The following CNPPD1 variants were observed in gnomAD, a reference collection of about 807,000 sequenced individuals.
CNPPD1 encodes the protein protein CNPPD1.
In CNPPD1, 40 loss-of-function variants were observed where a neutral mutation model predicts 43.7. The observed-to-expected ratio is 0.92, with a 90% confidence interval of 0.71 to 1.19. CNPPD1 has a LOEUF of 1.19. Among genes scored for constraint, CNPPD1 ranks in the 50% most tolerant of loss-of-function variants. CNPPD1 has a pLI of 0.00. For missense variants in CNPPD1, 511 were observed against 518.5 expected, an observed-to-expected ratio of 0.99 and a Z score of 0.14; for synonymous variants, 208 against 214.3, an observed-to-expected ratio of 0.97 and a Z score of 0.26.
At position 219,176,320 on chromosome 2, in the gene CNPPD1, TC is replaced by T; in HGVS notation, c.80del (p.Gly27AspfsTer5). On this transcript the variant is annotated frameshift_variant, in exon 2 of 8. Transcript: ENST00000360507. LOFTEE classifies it high-confidence loss of function. ...GGATCCGGGCACTCAGCTTCTGGTG[TC>T]CTGGGAGGAACTGAAACAGGGCAGG... ...AGFQDFTFLP[G>X]HQKLSARIRR... is the part of the protein sequence containing the mutation. The T allele has an allele frequency of 1.2e-6, 2 of 1,613,816 alleles. No homozygotes were observed. The highest frequency in any genetic ancestry group is 1.7e-6 in the Non-Finnish European group (2 of 1,179,706).
Position 219,175,634 on chromosome 2 carries a change from G to T in CNPPD1, c.217C>A (p.Pro73Thr). 1 of 1,614,046 alleles carries T rather than the reference G, an allele frequency of 6.2e-7. No individual in the cohort carries two copies. The highest frequency in any genetic ancestry group is 1.1e-5 in the South Asian group (1 of 91,072). ...VELLQKAAPS[P>T]IRRLQKKYVA... ...TATTTCTTCTGGAGTCGGCGAATAG[G>T]GCTGGGGGCTGCCTTCTGGAGCAGT... The change falls in exon 3 of 8, where the codon CCT (proline) becomes ACT (threonine). Residue 73 changes from proline (P) to threonine (T), a missense_variant. By Grantham distance (38) the Pro-to-Thr change is conservative (BLOSUM62 -1). Transcript: ENST00000360507.
rs995949361 is a variant in CNPPD1 at position 219,173,360 on chromosome 2, C to A, written c.680G>T (p.Arg227Leu). 2 of 1,613,156 alleles carry A rather than the reference C, an allele frequency of 1.2e-6. No homozygotes were observed. Among genetic ancestry groups the A allele is most frequent in the Middle Eastern group, 1.8e-4 (1 of 5,700 alleles). Residue 227 changes from arginine to leucine, a missense_variant, in exon 7 of 8, where the codon CGG becomes CTG. Transcript: ENST00000360507. ...CGAGCCCCTCCTCACCTTTACCAGCCGCTGGCAGAGGGAGCCCAGGGCCAA... is the reference window on the plus strand; with the variant it reads ...CGAGCCCCTCCTCACCTTTACCAGCAGCTGGCAGAGGGAGCCCAGGGCCAA... ...WQLALGSLCQ[R>L]LVKLSCLLAV... is the part of the protein sequence containing the mutation.
chr2:219,174,626 G>A (rs1414739034), intron 5 of CNPPD1, 152 bp downstream of exon 5: 25 of 1,117,076 alleles, frequency 2.2e-5, no homozygotes, highest in Non-Finnish European at 2.9e-5. Flanking sequence ...GGTTAGTACT[G>A]AAGAGATAGG....
chr2:219,175,441 G>A, intron 3 of CNPPD1, 150 bp downstream of exon 3: 1 of 796,942 alleles, frequency 1.3e-6, no homozygotes, highest in Non-Finnish European at 2.1e-6. Context: ...AGGTTGCGGT[G>A]AGCCGAGATT....
chr2:219,176,762 T>G lies in CNPPD1; in HGVS notation c.67A>C (p.Thr23Pro). The G allele has an allele frequency of 6.3e-7, 1 of 1,575,808 alleles. No homozygotes were observed. The highest frequency in any genetic ancestry group is 8.6e-7 in the Non-Finnish European group (1 of 1,161,322). ...TFSLAGFQDF[T>P]FLPGHQKLSA... ...GAGGGGGCGGGACCCCCACTCACCG[T>G]GAAGTCCTGGAAGCCGGCGAGGGAG... Residue 23 changes from threonine (T) to proline (P), a missense_variant and splice_region_variant, in exon 1 of 8, where the codon ACG (threonine) becomes CCG (proline). Transcript: ENST00000360507.
intron 1 of CNPPD1, 82 bp from the exon 2 acceptor site, chr2:219,176,413 CA>C (rs1950162271): frequency 9.1e-7 from 1 of 1,104,200 alleles, no homozygotes; most frequent in African/African-American, 1.5e-5. Flanking sequence ...GAAGGCGGGG[CA>C]GGGGACAGGC....
Position 219,172,439 on chromosome 2 carries a change from T to C in CNPPD1, c.*147A>G. On this transcript the variant is annotated 3_prime_UTR_variant, in exon 8 of 8. Transcript: ENST00000360507. ...CTAGGAGTGAATTACCTTCAGTCCTTCTGCCCCACCACCCCATAAGCTCCC... is the reference window on the plus strand; with the variant it reads ...CTAGGAGTGAATTACCTTCAGTCCTCCTGCCCCACCACCCCATAAGCTCCC... 1.2e-6 allele frequency: 1 copy of C among 831,294 alleles called. No individual in the cohort carries two copies. Among genetic ancestry groups the C allele is most frequent in the Admixed American group, 2.1e-5 (1 of 47,998 alleles). 51.5% of individuals were successfully genotyped at this position (831,294 alleles called of 1,614,324 possible).
rs1281383279 is a variant in CNPPD1 at position 219,172,709 on chromosome 2, G to C, written c.1110C>G (p.Thr370=). The change falls in exon 8 of 8, where the codon ACC becomes ACG. Residue 370 remains threonine, a synonymous_variant. Transcript: ENST00000360507. ...AAGGCCAGGGGGGAGCCAGGCCATA[G>C]GTATGGTACCAGGGGCTGGACAGCG... is the stretch of plus-strand genomic sequence containing the variant. ...PTALSSPWYH[T]YGLAPPWPWS... is the part of the protein sequence containing the mutation. 3.7e-6 allele frequency: 6 copies of C among 1,613,896 alleles called. No homozygotes were observed. The highest frequency in any genetic ancestry group is 5.1e-6 in the Non-Finnish European group (6 of 1,179,954).
Position 219,176,302 on chromosome 2 carries a change from G to C in CNPPD1, c.99C>G (p.Ala33=). The change falls in exon 2 of 8, where the codon GCC becomes GCG. Residue 33 remains alanine (A), a synonymous_variant. Transcript: ENST00000360507. The part of the protein sequence containing the change: ...TFLPGHQKLS[A]RIRRRLYYGW... ...CATAGTAGAGCCTCCTTCGGATCCG[G>C]GCACTCAGCTTCTGGTGTCCTGGGA... 6.2e-7 allele frequency: 1 copy of C among 1,614,154 alleles called. No individual in the cohort carries two copies. Among genetic ancestry groups the C allele is most frequent in the Non-Finnish European group, 8.5e-7 (1 of 1,179,998 alleles).
At chr2:219,173,252 C>A in intron 7 of CNPPD1, 98 bp downstream of exon 7, 1 of 1,432,290 alleles carries the variant, frequency 7.0e-7, no homozygotes, top group Non-Finnish European at 9.7e-7. Flanking sequence ...CCATCTATTC[C>A]CAACCCCATC....
At chr2:219,176,703 G>T in intron 1 of CNPPD1, 57 bp downstream of exon 1, 1 of 1,329,428 alleles carries the variant, frequency 7.5e-7, no homozygotes, top group Non-Finnish European at 1.0e-6. Context: ...TCGCAGCGCC[G>T]CTCAGGCCGG....
upstream of CNPPD1, chr2:219,177,749 A>G (rs1559218085): frequency 1.3e-5 from 2 of 152,198 alleles, no homozygotes; most frequent in Non-Finnish European, 2.9e-5. Flanking sequence ...AGAAGCTCCG[A>G]TATGTGGAAG....
chr2:219,173,957 A>G (rs771771945), intron 6 of CNPPD1, among the ~76,000 whole-genome samples, 189 bp downstream of exon 6: 2 of 152,174 alleles, frequency 1.3e-5, no homozygotes, highest in Non-Finnish European at 2.9e-5. Context: ...TGTATTTTAA[A>G]TAAGCTGCTT....
Position 219,173,008 on chromosome 2 carries a change from C to T in CNPPD1, c.811G>A (p.Gly271Arg). The change falls in exon 8 of 8, where the codon GGA becomes AGA. Residue 271 changes from glycine (G) to arginine (R), a missense_variant. Physicochemically the swap from Gly to Arg is moderately radical, Grantham distance 125 (BLOSUM62 -2). Coordinates refer to ENST00000360507, the MANE Select transcript of CNPPD1 (RefSeq NM_015680.6). ...CIPTPGPPDL[G>R]LTSRCLLEPC... ...TCCAGGAGGCAACGGGAGGTCAGTC[C>T]AAGGTCAGGCGGCCCAGGTGTAGGG... The T allele has an allele frequency of 6.2e-7, 1 of 1,613,708 alleles. No individual in the cohort carries two copies. The highest frequency in any genetic ancestry group is 8.5e-7 in the Non-Finnish European group (1 of 1,179,958).
intron 6 of CNPPD1, 30 bp downstream of exon 6, chr2:219,174,116 G>C: frequency 9.9e-6 from 16 of 1,610,720 alleles, no homozygotes; most frequent in Non-Finnish European, 1.4e-5. Context: ...CAAATCCCTC[G>C]AGCCCTTCTT....
chr2:219,173,850 C>A (rs549527438), intron 6 of CNPPD1, among the ~76,000 whole-genome samples: 2 of 152,090 alleles, frequency 1.3e-5, no homozygotes, highest in African/African-American at 4.8e-5. Context: ...CTATATTGCC[C>A]AGGCTGGTCT....
In CNPPD1 at chr2:219,176,883, G is replaced by C. The variant is rs1313439379; in HGVS notation, c.-55C>G. ...GAACGGAAGGAAACGAGTTGTAGGG[G>C]GCTCGCGGAGCTGTCCTTGCCCGCC... On this transcript the variant is annotated 5_prime_UTR_variant, in exon 1 of 8. Transcript: ENST00000360507. 2 of 1,455,140 alleles carry C rather than the reference G, an allele frequency of 1.4e-6. No individual in the cohort carries two copies. Among genetic ancestry groups the C allele is most frequent in the East Asian group, 2.5e-5 (1 of 39,580 alleles). 90.1% of individuals were successfully genotyped at this position (1,455,140 alleles called of 1,614,324 possible).
In CNPPD1 at chr2:219,176,348, G is replaced by A; in HGVS notation, c.70-17C>T. On this transcript the variant is annotated splice_polypyrimidine_tract_variant and intron_variant, in intron 1 of 7. Transcript: ENST00000360507. Reference sequence around the variant, plus strand: ...TGGGAGGAACTGAAACAGGGCAGGGGCAGCGGAGGGTGAAGGGCACGGAAA... The same window carrying A: ...TGGGAGGAACTGAAACAGGGCAGGGACAGCGGAGGGTGAAGGGCACGGAAA... The A allele has an allele frequency of 1.3e-6, 2 of 1,567,670 alleles. No individual in the cohort carries two copies. The highest frequency in any genetic ancestry group is 1.1e-5 in the South Asian group (1 of 90,066).
upstream of CNPPD1, chr2:219,177,195 G>C (rs1950188252): frequency 4.9e-6 from 1 of 202,796 alleles, no homozygotes. Context: ...GGTGCCGCCT[G>C]CAAGTCAGCG....
Sources: allele counts gnomAD v4.1 joint callset (sites outside exome capture counted in the v4.1 genomes callset), GRCh38; gene constraint gnomAD v4.1.1; transcripts MANE v1.5; gene names NCBI Gene and HGNC (gene_info 2026-07-23, HGNC 2026-07-21).